Variants in SUPT3H observed in about 807,000 individuals in gnomAD.
The protein encoded by SUPT3H is SPT3 homolog, SAGA and STAGA complex component, also known as transcription initiation protein SPT3 homolog.
A neutral mutation model predicts 44.3 loss-of-function variants in SUPT3H; 44 were observed. That is an observed-to-expected ratio of 0.99 (90% confidence interval 0.78 to 1.28). The LOEUF (loss-of-function observed/expected upper bound fraction) is 1.28. Ranked by LOEUF, SUPT3H falls within the 50% of genes most tolerant of loss-of-function variation. SUPT3H has a pLI of 0.00. For missense variants in SUPT3H, 380 were observed against 387.1 expected (o/e 0.98, Z 0.15); for synonymous variants, 124 against 125.6 (o/e 0.99, Z 0.09).
At chr6:45,296,185 T>C (rs1050563864) in intron 2 of SUPT3H, among the ~76,000 whole-genome samples, 5 of 140,454 alleles carry the variant, frequency 3.6e-5, no homozygotes, top group Non-Finnish European at 4.6e-5. Context: ...ATACACATAC[T>C]ACACACACAC....
At chr6:44,867,150 T>C (rs376736194) in intron 10 of SUPT3H, among the ~76,000 whole-genome samples, 8 of 151,898 alleles carry the variant, frequency 5.3e-5, no homozygotes, top group East Asian at 1.9e-4. Context: ...TAAAGGAAGA[T>C]ACACTTTTTT....
chr6:44,809,983 C>G (rs896738227), intron 11 of SUPT3H, among the ~76,000 whole-genome samples: 15 of 152,166 alleles, frequency 9.9e-5, no homozygotes, highest in African/African-American at 3.6e-4. Context: ...ACGGAGGAAA[C>G]AAACCTTGTG....
intron 3 of SUPT3H, among the ~76,000 whole-genome samples, chr6:45,075,640 T>A (rs971173382): frequency 1.3e-5 from 2 of 152,132 alleles, no homozygotes; most frequent in Non-Finnish European, 2.9e-5. Flanking sequence ...TAGAAATTCA[T>A]GTGCTTTGTG....
intron 9 of SUPT3H, among the ~76,000 whole-genome samples, chr6:44,952,105 C>A (rs1269339492): frequency 6.6e-6 from 1 of 152,044 alleles, no homozygotes. Flanking sequence ...GGTTTCCAAG[C>A]CAATTTGATT....
At chr6:44,969,568 A>G (rs903750707) in intron 6 of SUPT3H, among the ~76,000 whole-genome samples, 8 of 152,222 alleles carry the variant, frequency 5.3e-5, no homozygotes, top group Non-Finnish European at 1.5e-5. Flanking sequence ...ATCACAGAGA[A>G]ACAGCAGAGG....
chr6:45,139,790 G>A (rs553505951), intron 2 of SUPT3H, among the ~76,000 whole-genome samples: 1 of 152,234 alleles, frequency 6.6e-6, no homozygotes, highest in African/African-American at 2.4e-5. Context: ...ATCTCACAGG[G>A]GCCCTTAGGG....
intron 2 of SUPT3H, among the ~76,000 whole-genome samples, chr6:45,188,357 G>T (rs1421511731): frequency 6.6e-6 from 1 of 152,194 alleles, no homozygotes; most frequent in East Asian, 1.9e-4. Flanking sequence ...AAAGGAAAAA[G>T]ATTTTCTTGC....
intron 10 of SUPT3H, among the ~76,000 whole-genome samples, chr6:44,885,941 G>A (rs560419825): frequency 4.0e-4 from 61 of 152,258 alleles, no homozygotes; most frequent in African/African-American, 1.4e-3. Flanking sequence ...GGAGCTGAAA[G>A]CCAAGGCATG....
chr6:44,904,195 A>C (rs1294041554), intron 10 of SUPT3H, among the ~76,000 whole-genome samples: 1 of 152,110 alleles, frequency 6.6e-6, no homozygotes, highest in East Asian at 1.9e-4. Flanking sequence ...AAGGAAATAA[A>C]GGGTATTCAA....
intron 2 of SUPT3H, among the ~76,000 whole-genome samples, chr6:45,208,619 G>A (rs941188219): frequency 6.6e-6 from 1 of 151,864 alleles, no homozygotes; most frequent in Non-Finnish European, 1.5e-5. Flanking sequence ...AGCTGTTCAG[G>A]ACGCTGAGAC....
chr6:44,889,454 A>G (rs1011138731), intron 10 of SUPT3H, among the ~76,000 whole-genome samples: 16 of 152,182 alleles, frequency 1.1e-4, no homozygotes, highest in Admixed American at 5.2e-4. Context: ...CAGAAATAAC[A>G]CCGCATATCT....
chr6:45,296,662 C>T (rs997455405), intron 2 of SUPT3H, among the ~76,000 whole-genome samples: 1 of 144,258 alleles, frequency 6.9e-6, no homozygotes, highest in Non-Finnish European at 1.5e-5. Context: ...GCACTTGAAC[C>T]CGGGACACGG....
At chr6:44,914,491 T>C (rs1163963225) in intron 10 of SUPT3H, among the ~76,000 whole-genome samples, 4 of 152,212 alleles carry the variant, frequency 2.6e-5, no homozygotes, top group Admixed American at 2.0e-4. Flanking sequence ...ATGAGGTAGC[T>C]TGGGCATTAT....
chr6:44,810,370 TGTAA>T lies in SUPT3H; in HGVS notation c.*53-873_*53-870del, dbSNP rs1030049750. On this transcript the variant is annotated intron_variant and NMD_transcript_variant, in intron 11 of 11. Coordinates refer to the SUPT3H transcript ENST00000475057. ...TTACAGAAATGATGACAGTAGTGGT[TGTAA>T]GTATTTCTTTCTTACTTTAATATGA... is the stretch of plus-strand genomic sequence containing the variant. Among the ~76,000 whole-genome samples the T allele has an allele frequency of 1.2e-4, 18 of 152,346 alleles. No homozygotes were observed. The South Asian group carries it at 1.9e-3, about 16-fold the overall frequency.
chr6:44,937,165 T>G (rs1000540265), intron 9 of SUPT3H, among the ~76,000 whole-genome samples: 2 of 152,112 alleles, frequency 1.3e-5, no homozygotes, highest in Admixed American at 1.3e-4. Flanking sequence ...ATGAGATTGC[T>G]GGATTGAATG....
At chr6:45,096,531 T>C (rs1366232456) in intron 3 of SUPT3H, among the ~76,000 whole-genome samples, 1 of 152,120 alleles carries the variant, frequency 6.6e-6, no homozygotes, top group Non-Finnish European at 1.5e-5. Flanking sequence ...AGCACAGGCC[T>C]AAGTGAAGCA....
intron 2 of SUPT3H, among the ~76,000 whole-genome samples, chr6:45,276,583 TAGCTGATTTTCTG>T (rs1777067385): frequency 6.6e-6 from 1 of 152,230 alleles, no homozygotes; most frequent in African/African-American, 2.4e-5. Flanking sequence ...CATTGAACCC[TAGCTGATTTTCTG>T]ATTTACTCTG....
intron 6 of SUPT3H, among the ~76,000 whole-genome samples, chr6:44,973,015 T>C (rs1341192214): frequency 6.6e-6 from 1 of 152,194 alleles, no homozygotes; most frequent in South Asian, 2.1e-4. Context: ...TGCTCCTCAT[T>C]ATTTATGCAA....
In SUPT3H at chr6:44,953,894, G is replaced by A. The variant is rs551336974; in HGVS notation, c.694-477C>T. 7.7e-4 allele frequency among the ~76,000 whole-genome samples: 117 copies of A among 152,058 alleles called. 3 individuals are homozygous for A. The South Asian group carries it at 0.023, about 30-fold the overall frequency. On this transcript the variant is annotated intron_variant, in intron 8 of 10. Transcript: ENST00000371459. ...ACTACAGGTGCCCGCCACCATGCCC[G>A]GCTAACTTTTTTTTGGTATTATTAG...
Sources: allele counts gnomAD v4.1 joint callset (sites outside exome capture counted in the v4.1 genomes callset), GRCh38; gene constraint gnomAD v4.1.1; transcripts MANE v1.5; gene names NCBI Gene and HGNC (gene_info 2026-07-23, HGNC 2026-07-21).